MAD1L1: variants seen among roughly 807,000 people sequenced by gnomAD.
MAD1L1 encodes the protein mitotic spindle assembly checkpoint protein MAD1.
In MAD1L1, 95 loss-of-function variants were observed where a neutral mutation model predicts 96.9. The ratio of observed to expected loss-of-function variants is 0.98; its 90% CI spans 0.83 to 1.16. MAD1L1 has a LOEUF of 1.16. Among genes scored for constraint, MAD1L1 ranks in the 50% most tolerant of loss-of-function variants. The pLI, the probability that MAD1L1 is intolerant of heterozygous loss-of-function variation, is 0.00. For synonymous variants in MAD1L1, 473 were observed against 396.6 expected, an observed-to-expected ratio of 1.19 and a Z score of -2.29; for missense variants, 1,007 against 954.4, an observed-to-expected ratio of 1.06 and a Z score of -0.73.
At chr7:1,884,383 G>T (rs1230219052) in intron 18 of MAD1L1, among the ~76,000 whole-genome samples, 1 of 152,184 alleles carries the variant, frequency 6.6e-6, no homozygotes, top group African/African-American at 2.4e-5. Flanking sequence ...GGCTTGGGAA[G>T]CCTGAGGTGA....
At chr7:1,987,293 T>G (rs1228920530) in intron 14 of MAD1L1, among the ~76,000 whole-genome samples, 3 of 152,214 alleles carry the variant, frequency 2.0e-5, no homozygotes, top group Middle Eastern at 3.4e-3. Context: ...AGGGCCCCAT[T>G]GCCAGCACAG....
At chr7:2,111,791 A>T (rs1425670732) in intron 11 of MAD1L1, among the ~76,000 whole-genome samples, 1 of 151,832 alleles carries the variant, frequency 6.6e-6, no homozygotes, top group Non-Finnish European at 1.5e-5. Flanking sequence ...GTGGACCTGC[A>T]CACACAGCAA....
At chr7:1,928,019 G>A (rs1422399556) in intron 17 of MAD1L1, among the ~76,000 whole-genome samples, 1 of 152,206 alleles carries the variant, frequency 6.6e-6, no homozygotes, top group Non-Finnish European at 1.5e-5. Flanking sequence ...ACAGTGGAGA[G>A]CCACCAGCTC....
intron 17 of MAD1L1, among the ~76,000 whole-genome samples, chr7:1,904,570 G>A (rs1175383045): frequency 4.0e-5 from 5 of 123,664 alleles, no homozygotes; most frequent in Admixed American, 2.3e-4. Flanking sequence ...AGTGGCCTAC[G>A]GAAGACGCTC....
At chr7:1,974,910 G>A (rs376361807) in intron 15 of MAD1L1, among the ~76,000 whole-genome samples, 15 of 152,376 alleles carry the variant, frequency 9.8e-5, no homozygotes, top group African/African-American at 3.4e-4. Flanking sequence ...CAGGTCCGGG[G>A]TACAGGACCC....
chr7:2,220,322 C>G (rs1283965597), intron 5 of MAD1L1, among the ~76,000 whole-genome samples: 1 of 152,206 alleles, frequency 6.6e-6, no homozygotes, highest in Non-Finnish European at 1.5e-5. Context: ...ATGGAACCCG[C>G]ACGCGACAGA....
chr7:2,102,970 G>A (rs1337313689), intron 11 of MAD1L1, among the ~76,000 whole-genome samples: 3 of 152,192 alleles, frequency 2.0e-5, no homozygotes, highest in Non-Finnish European at 4.4e-5. Context: ...TTCGGCAGAG[G>A]TGGCACTGTC....
intron 12 of MAD1L1, among the ~76,000 whole-genome samples, chr7:2,063,535 C>T (rs1784752877): frequency 6.6e-6 from 1 of 152,240 alleles, no homozygotes; most frequent in Non-Finnish European, 1.5e-5. Context: ...AAATAAACAA[C>T]AGCGCTTGCC....
At position 2,102,452 on chromosome 7, in the gene MAD1L1, G is replaced by A. The variant is rs565304976; in HGVS notation, c.1074-33114C>T. ...TGTCACCCTCACCACCACTGCTACT[G>A]TCACCACTCACCACCACTGCTACTG... On this transcript the variant is annotated intron_variant, in intron 11 of 18. Transcript: ENST00000265854. Among the ~76,000 whole-genome samples, 500 of 79,482 alleles carry A rather than the reference G, an allele frequency of 6.3e-3. 1 individual carries two copies. The highest frequency in any genetic ancestry group is 0.02 in the African/African-American group (494 of 24,918). The allele number at this position is 79,482 out of a possible 152,430, so 52.1% of individuals were successfully genotyped here.
intron 12 of MAD1L1, among the ~76,000 whole-genome samples, chr7:2,050,567 A>G (rs77016717): frequency 0.025 from 3,870 of 152,306 alleles, 72 homozygotes; most frequent in Non-Finnish European, 0.041. Context: ...AAGTCCAGAC[A>G]CTTCACACCT....
chr7:2,128,930 G>A (rs1202703331), intron 11 of MAD1L1, among the ~76,000 whole-genome samples: 2 of 152,216 alleles, frequency 1.3e-5, no homozygotes, highest in East Asian at 1.9e-4. Context: ...ACAGGGAGGA[G>A]GAGAAAAGCC....
chr7:1,827,183 A>AGAGGAGGTGGCGGGGATG (rs1399585571), intron 18 of MAD1L1, among the ~76,000 whole-genome samples: 1 of 152,210 alleles, frequency 6.6e-6, no homozygotes, highest in Non-Finnish European at 1.5e-5. Flanking sequence ...GGGATGAGTT[A>AGAGGAGGTGGCGGGGATG]GAGGAGGTGG....
chr7:2,180,227 T>C (rs1323835415), intron 10 of MAD1L1, among the ~76,000 whole-genome samples: 1 of 152,206 alleles, frequency 6.6e-6, no homozygotes, highest in Non-Finnish European at 1.5e-5. Flanking sequence ...GAAAGGCCTG[T>C]GAAGGCCCTG....
chr7:2,217,626 T>C (rs1381195912), intron 7 of MAD1L1, among the ~76,000 whole-genome samples: 1 of 152,228 alleles, frequency 6.6e-6, no homozygotes, highest in Non-Finnish European at 1.5e-5. Flanking sequence ...GAGACCCAGC[T>C]CCAGCTGTGC....
chr7:2,122,214 G>A (rs1860832), intron 11 of MAD1L1, among the ~76,000 whole-genome samples: 47,049 of 152,142 alleles, frequency 0.31, 8,386 homozygotes, highest in East Asian at 0.51. Flanking sequence ...AAACCCGCGG[G>A]GGCTGGAGAA....
At chr7:1,920,792 C>A (rs147295883) in intron 17 of MAD1L1, among the ~76,000 whole-genome samples, 3 of 152,358 alleles carry the variant, frequency 2.0e-5, no homozygotes, top group Non-Finnish European at 4.4e-5. Flanking sequence ...CCATTCTGGG[C>A]ATGCAAGACA....
intron 10 of MAD1L1, among the ~76,000 whole-genome samples, chr7:2,164,158 C>G (rs1790305773): frequency 2.0e-5 from 3 of 152,188 alleles, no homozygotes; most frequent in Admixed American, 2.0e-4. Flanking sequence ...GCTGTATAAA[C>G]AGAGACTACA....
intron 14 of MAD1L1, among the ~76,000 whole-genome samples, chr7:1,983,154 GCACACA>G (rs976027470): frequency 1.3e-3 from 42 of 31,486 alleles, no homozygotes; most frequent in East Asian, 5.4e-3. Flanking sequence ...GCGCGCGCGC[GCACACA>G]CACACACACA....
intron 18 of MAD1L1, among the ~76,000 whole-genome samples, chr7:1,853,194 TCCA>T (rs1024008386): frequency 6.6e-6 from 1 of 152,144 alleles, no homozygotes; most frequent in Non-Finnish European, 1.5e-5. Flanking sequence ...GTCATCTCAG[TCCA>T]CCACCACCTT....
Sources: allele counts gnomAD v4.1 joint callset (sites outside exome capture counted in the v4.1 genomes callset), GRCh38; gene constraint gnomAD v4.1.1; transcripts MANE v1.5; gene names NCBI Gene and HGNC (gene_info 2026-07-23, HGNC 2026-07-21).